Variants in AFF3 observed in about 807,000 individuals in gnomAD.
The protein encoded by AFF3 is AF4/FMR2 family member 3.
Under a neutral mutation model 129.7 loss-of-function variants are expected in AFF3, and 32 were observed. That is an observed-to-expected ratio of 0.25 (90% CI 0.19 to 0.33). The LOEUF is 0.33. Among genes scored for constraint, AFF3 ranks in the 10% least tolerant of loss-of-function variants. The pLI, the probability that AFF3 is intolerant of heterozygous loss-of-function variation, is 1.00. For synonymous variants in AFF3, 644 were observed against 635.4 expected (o/e 1.01, Z -0.20); for missense variants, 1,373 against 1,592.0 (o/e 0.86, Z 2.34).
At chr2:99,968,146 C>G (rs1431738254) in intron 7 of AFF3, among the ~76,000 whole-genome samples, 1 of 152,200 alleles carries the variant, frequency 6.6e-6, no homozygotes, top group African/African-American at 2.4e-5. Flanking sequence ...GAAGCCCCTT[C>G]CCAGCTCCCC....
chr2:99,694,585 TC>T (rs1558756061), intron 11 of AFF3, among the ~76,000 whole-genome samples: 1 of 152,118 alleles, frequency 6.6e-6, no homozygotes, highest in African/African-American at 2.4e-5. Flanking sequence ...ACACGCTGAA[TC>T]ATTCTCTAGA....
intron 7 of AFF3, among the ~76,000 whole-genome samples, chr2:99,897,515 C>T (rs1456037737): frequency 6.6e-6 from 1 of 152,154 alleles, no homozygotes; most frequent in Non-Finnish European, 1.5e-5. Flanking sequence ...CCACTCGGGT[C>T]TCTCTGCTCA....
At chr2:99,716,729 A>C (rs984040704) in intron 11 of AFF3, among the ~76,000 whole-genome samples, 3 of 151,776 alleles carry the variant, frequency 2.0e-5, no homozygotes, top group Non-Finnish European at 2.9e-5. Flanking sequence ...AAAAATACAA[A>C]AATTATCTGG....
chr2:99,781,527 A>G (rs1365019781), intron 8 of AFF3, among the ~76,000 whole-genome samples: 1 of 152,236 alleles, frequency 6.6e-6, no homozygotes, highest in Non-Finnish European at 1.5e-5. Context: ...ACGATGTTTT[A>G]CTGGAACACA....
At chr2:99,644,625 T>C (rs962518588) in intron 13 of AFF3, among the ~76,000 whole-genome samples, 1 of 152,242 alleles carries the variant, frequency 6.6e-6, no homozygotes, top group Non-Finnish European at 1.5e-5. Context: ...CCTCTTGCCC[T>C]AGATTTCAAG....
chr2:99,753,528 G>A (rs370702620), intron 8 of AFF3, among the ~76,000 whole-genome samples: 4 of 152,240 alleles, frequency 2.6e-5, no homozygotes, highest in South Asian at 4.1e-4. Flanking sequence ...TCCCTTTGGC[G>A]GGTGGGTGTT....
intron 8 of AFF3, among the ~76,000 whole-genome samples, chr2:99,784,458 G>A (rs1182696393): frequency 6.6e-6 from 1 of 152,202 alleles, no homozygotes; most frequent in Non-Finnish European, 1.5e-5. Context: ...AAAGGTACAA[G>A]GCCTTGGAGT....
intron 15 of AFF3, 71 bp from the exon 16 acceptor site, chr2:99,587,349 T>G: frequency 6.3e-7 from 1 of 1,581,902 alleles, no homozygotes; most frequent in Non-Finnish European, 8.6e-7. Flanking sequence ...AGGCACCGAC[T>G]TCCACAGAGC....
intron 8 of AFF3, among the ~76,000 whole-genome samples, chr2:99,818,723 G>A (rs1687426685): frequency 6.6e-6 from 1 of 152,166 alleles, no homozygotes; most frequent in African/African-American, 2.4e-5. Context: ...ACTGCTAGAA[G>A]TTAGCAGGTA....
chr2:99,665,758 T>C (rs115709200), intron 12 of AFF3, among the ~76,000 whole-genome samples: 651 of 152,272 alleles, frequency 4.3e-3, no homozygotes, highest in Non-Finnish European at 6.9e-3. Flanking sequence ...CATGGAAAGT[T>C]TCCAACATTG....
At chr2:99,622,952 C>T (rs1181087933) in intron 13 of AFF3, among the ~76,000 whole-genome samples, 1 of 152,144 alleles carries the variant, frequency 6.6e-6, no homozygotes, top group Non-Finnish European at 1.5e-5. Flanking sequence ...CTGCTTCAAA[C>T]AAAGGTAGCC....
chr2:99,593,791 G>A lies in AFF3; in HGVS notation c.1870C>T (p.Pro624Ser), dbSNP rs1185340818. Residue 624 changes from proline (P) to serine (S), a missense_variant, in exon 15 of 25, where the codon CCC becomes TCC. Physicochemically the swap from Pro to Ser is moderately conservative, Grantham distance 74. Transcript: ENST00000672756. Reference sequence around the variant, plus strand: ...TTGCCACAGGGCCTGGTTTTGGTGGGCTCCGGGGGGACCACCACGCTCGTC... The same window carrying A: ...TTGCCACAGGGCCTGGTTTTGGTGGACTCCGGGGGGACCACCACGCTCGTC... ...LGTSVVVPPE[P>S]TKTRPCGNNR... The A allele has an allele frequency of 6.2e-7, 1 of 1,611,734 alleles. No homozygotes were observed. The highest frequency in any genetic ancestry group is 8.5e-7 in the Non-Finnish European group (1 of 1,179,726).
chr2:99,639,894 T>C (rs1456005919), intron 13 of AFF3, among the ~76,000 whole-genome samples: 1 of 152,010 alleles, frequency 6.6e-6, no homozygotes, highest in African/African-American at 2.4e-5. Flanking sequence ...GGTTTCACCA[T>C]GTTGGCCAGG....
chr2:99,602,465 T>C lies in AFF3; in HGVS notation c.1185-844A>G, dbSNP rs371065458. Among the ~76,000 whole-genome samples, 7 of 152,358 alleles carry C rather than the reference T, an allele frequency of 4.6e-5. No individual in the cohort carries two copies. In the East Asian group the frequency reaches 1.3e-3, roughly 29 times the overall value. On this transcript the variant is annotated intron_variant, in intron 13 of 24. Transcript: ENST00000672756. The stretch of plus-strand genomic sequence containing the variant: ...AAAATTGACTGATGCTTTCCGATAG[T>C]AATTAATTAACCATAAAAATTCAAA...
At chr2:99,817,518 G>T (rs1687335075) in intron 8 of AFF3, among the ~76,000 whole-genome samples, 2 of 152,066 alleles carry the variant, frequency 1.3e-5, no homozygotes, top group South Asian at 4.2e-4. Context: ...CCAGATTACT[G>T]CCTTTAGCTC....
intron 8 of AFF3, among the ~76,000 whole-genome samples, chr2:99,753,207 CT>C (rs1681811311): frequency 6.6e-6 from 1 of 152,120 alleles, no homozygotes; most frequent in African/African-American, 2.4e-5. Flanking sequence ...TCAAGTGATT[CT>C]CCTGCCTCAG....
rs1026251447 is a variant in AFF3 at position 100,051,170 on chromosome 2, C to T, written c.54-42238G>A. On this transcript the variant is annotated intron_variant, in intron 4 of 24. Coordinates refer to ENST00000672756, the MANE Select transcript of AFF3 (RefSeq NM_001386135.1). ...TCTTCTTTAAATGTGGTTATCCTGC[C>T]GGTTAGGGCAGACATCAAGCCCCTT... Among the ~76,000 whole-genome samples the T allele has an allele frequency of 3.3e-5, 5 of 152,148 alleles. No homozygotes were observed. In the South Asian group the frequency reaches 6.2e-4, roughly 19 times the overall value.
chr2:99,940,381 T>C (rs1674916461), intron 7 of AFF3, among the ~76,000 whole-genome samples: 2 of 152,200 alleles, frequency 1.3e-5, no homozygotes, highest in Non-Finnish European at 2.9e-5. Context: ...CTGGGCTGCA[T>C]TCCCAGATTG....
At chr2:100,046,359 T>A (rs1315970894) in intron 4 of AFF3, among the ~76,000 whole-genome samples, 1 of 152,164 alleles carries the variant, frequency 6.6e-6, no homozygotes, top group Non-Finnish European at 1.5e-5. Flanking sequence ...GAGTCCATGT[T>A]CTTAAACCAT....
Sources: allele counts gnomAD v4.1 joint callset (sites outside exome capture counted in the v4.1 genomes callset), GRCh38; gene constraint gnomAD v4.1.1; transcripts MANE v1.5; gene names NCBI Gene and HGNC (gene_info 2026-07-23, HGNC 2026-07-21).